Variants in REDIC1 observed in about 807,000 individuals in gnomAD.
REDIC1 encodes the protein regulator of DNA class I crossover intermediates 1, also known as HEI10 Interacting Protein 1.
the REDIC1 span, among the ~76,000 whole-genome samples, chr12:39,869,519 T>C: frequency 6.6e-6 from 1 of 152,208 alleles, no homozygotes; most frequent in African/African-American, 2.4e-5. Context: ...AAGGAATCAC[T>C]GTACAGTGTT....
the REDIC1 span, among the ~76,000 whole-genome samples, chr12:39,730,571 C>G: frequency 6.6e-6 from 1 of 152,212 alleles, no homozygotes; most frequent in Non-Finnish European, 1.5e-5. Context: ...CCTGACCTTT[C>G]TCTCTGGCTA....
At chr12:39,906,158 C>A in the REDIC1 span, among the ~76,000 whole-genome samples, 5 of 152,206 alleles carry the variant, frequency 3.3e-5, no homozygotes, top group Admixed American at 3.3e-4. Context: ...CAACTGAGTT[C>A]ATCTTAGCAC....
At chr12:39,706,450 A>G in the REDIC1 span, among the ~76,000 whole-genome samples, 1 of 152,060 alleles carries the variant, frequency 6.6e-6, no homozygotes, top group Non-Finnish European at 1.5e-5. Context: ...AAATTGAAAA[A>G]CCAATTCCAA....
At chr12:39,794,681 A>G in the REDIC1 span, among the ~76,000 whole-genome samples, 3 of 152,276 alleles carry the variant, frequency 2.0e-5, no homozygotes, top group East Asian at 5.8e-4. Context: ...TCTGTCCACA[A>G]ATGTTATCCA....
chr12:39,721,082 A>C, the REDIC1 span: 1 of 1,613,790 alleles, frequency 6.2e-7, no homozygotes, highest in Non-Finnish European at 8.5e-7. Flanking sequence ...GCAGGGATAC[A>C]AACAGAGAGT....
At chr12:39,895,500 A>C in the REDIC1 span, among the ~76,000 whole-genome samples, 3 of 60,348 alleles carry the variant, frequency 5.0e-5, no homozygotes, top group Admixed American at 2.1e-4. Flanking sequence ...AAAAAAAAAA[A>C]AAAAAAAAAA....
chr12:39,849,095 GTAA>G, the REDIC1 span, among the ~76,000 whole-genome samples: 2 of 152,124 alleles, frequency 1.3e-5, no homozygotes, highest in East Asian at 3.9e-4. Flanking sequence ...CCTGGGAGAT[GTAA>G]TAATATGTAC....
the REDIC1 span, among the ~76,000 whole-genome samples, chr12:39,711,487 A>C: frequency 6.9e-5 from 10 of 144,238 alleles, no homozygotes; most frequent in African/African-American, 2.3e-4. Flanking sequence ...ATGTGTATAT[A>C]TGTATATAAG....
the REDIC1 span, among the ~76,000 whole-genome samples, chr12:39,638,671 A>T: frequency 2.0e-5 from 3 of 152,210 alleles, no homozygotes; most frequent in East Asian, 1.9e-4. Flanking sequence ...TTCTATTAAT[A>T]ACAGTGATAG....
chr12:39,735,881 G>A, the REDIC1 span, among the ~76,000 whole-genome samples: 1 of 152,202 alleles, frequency 6.6e-6, no homozygotes, highest in African/African-American at 2.4e-5. Flanking sequence ...TTTTGTGGGT[G>A]TAACTTTGGA....
At chr12:39,732,678 G>T in the REDIC1 span, among the ~76,000 whole-genome samples, 2 of 152,056 alleles carry the variant, frequency 1.3e-5, no homozygotes, top group African/African-American at 4.8e-5. Flanking sequence ...TAACCAGTAG[G>T]CTCTCTGTCA....
At chr12:39,830,592 G>A in the REDIC1 span, 2 of 534,882 alleles carry the variant, frequency 3.7e-6, no homozygotes, top group Non-Finnish European at 4.8e-6. Flanking sequence ...AGCCCTGACT[G>A]GTTCCAAGTT....
chr12:39,721,069 G>C, the REDIC1 span: 1 of 1,613,800 alleles, frequency 6.2e-7, no homozygotes, highest in Non-Finnish European at 8.5e-7. Context: ...TGCAAGGTGT[G>C]ATGCAGGGAT....
the REDIC1 span, among the ~76,000 whole-genome samples, chr12:39,905,882 T>C: frequency 2.6e-5 from 4 of 151,672 alleles, no homozygotes; most frequent in African/African-American, 9.7e-5. Context: ...ACAGATGAGA[T>C]GTCCTTTGAA....
the REDIC1 span, among the ~76,000 whole-genome samples, chr12:39,627,800 A>G: frequency 6.6e-6 from 1 of 152,166 alleles, no homozygotes; most frequent in Non-Finnish European, 1.5e-5. Flanking sequence ...AAATGGCAGA[A>G]TTGCAATTCA....
At chr12:39,896,360 G>T in the REDIC1 span, among the ~76,000 whole-genome samples, 3 of 138,062 alleles carry the variant, frequency 2.2e-5, no homozygotes, top group Non-Finnish European at 4.6e-5. Context: ...ATGTATATGT[G>T]TATATATGTA....
At chr12:39,764,823 A>G in the REDIC1 span, 6 of 1,612,462 alleles carry the variant, frequency 3.7e-6, no homozygotes, top group Non-Finnish European at 5.1e-6. Context: ...AGCCCAAAAT[A>G]TATCTTCTGT....
the REDIC1 span, among the ~76,000 whole-genome samples, chr12:39,807,337 A>G: frequency 6.6e-6 from 1 of 152,206 alleles, no homozygotes; most frequent in African/African-American, 2.4e-5. Flanking sequence ...ATACACACAC[A>G]TGCATAAGTA....
At chr12:39,841,275 G>A in the REDIC1 span, among the ~76,000 whole-genome samples, 1 of 152,108 alleles carries the variant, frequency 6.6e-6, no homozygotes, top group Non-Finnish European at 1.5e-5. Flanking sequence ...TTGCTTTTGC[G>A]ATTTAACATA....
Sources: gnomAD v4.1 joint callset for allele counts (sites outside exome capture counted in the v4.1 genomes callset) on GRCh38, gnomAD v4.1.1 for gene constraint, MANE v1.5 for transcripts, NCBI Gene and HGNC (gene_info 2026-07-23, HGNC 2026-07-21) for gene names.